Variants in CACNA1D observed in about 807,000 individuals in gnomAD.
CACNA1D encodes the protein voltage-dependent L-type calcium channel subunit alpha-1D.
In CACNA1D, 55 loss-of-function variants were observed where a neutral mutation model predicts 257.1. The observed-to-expected ratio is 0.21, with a 90% CI of 0.17 to 0.27. The LOEUF (loss-of-function observed/expected upper bound fraction) is 0.27. Ranked by LOEUF, CACNA1D falls within the 10% of genes least tolerant of loss-of-function variation. The pLI is 1.00. For missense variants in CACNA1D, 1,876 were observed against 2,784.0 expected, an observed-to-expected ratio of 0.67 and a Z score of 7.34; for synonymous variants, 980 against 1,014.9, an observed-to-expected ratio of 0.97 and a Z score of 0.65.
rs575956718 is a variant in CACNA1D at position 53,572,408 on chromosome 3, T to G, written c.483+70688T>G. Among the ~76,000 whole-genome samples, 12 of 148,264 alleles carry G rather than the reference T, an allele frequency of 8.1e-5. No individual in the cohort carries two copies. The South Asian group carries it at 1.3e-3, about 16-fold the overall frequency. ...TTTATTTATTTATTTATTTATTTATTTATGTTTTAGAGATTGGGTCTCATT... is the reference window on the plus strand; with the variant it reads ...TTTATTTATTTATTTATTTATTTATGTATGTTTTAGAGATTGGGTCTCATT... On this transcript the variant is annotated intron_variant, in intron 3 of 47. Coordinates refer to ENST00000350061, the MANE Select transcript of CACNA1D (RefSeq NM_001128840.3).
chr3:53,553,013 G>A (rs1018370288), intron 3 of CACNA1D, among the ~76,000 whole-genome samples: 2 of 152,168 alleles, frequency 1.3e-5, no homozygotes, highest in Non-Finnish European at 2.9e-5. Context: ...AAACTCCTGG[G>A]CGGGAGCATT....
intron 27 of CACNA1D, among the ~76,000 whole-genome samples, chr3:53,749,854 C>G (rs530475639): frequency 6.6e-6 from 1 of 152,296 alleles, no homozygotes; most frequent in Non-Finnish European, 1.5e-5. Flanking sequence ...AGTTTCTTAC[C>G]CTTGGTGCTA....
intron 7 of CACNA1D, among the ~76,000 whole-genome samples, chr3:53,667,939 G>C (rs2094285385): frequency 6.6e-6 from 1 of 152,014 alleles, no homozygotes; most frequent in Non-Finnish European, 1.5e-5. Context: ...CTGAGCCAGG[G>C]GCATGGCTTC....
chr3:53,770,116 TC>T, intron 31 of CACNA1D, 99 bp downstream of exon 31: 1 of 1,033,576 alleles, frequency 9.7e-7, no homozygotes, highest in Non-Finnish European at 1.5e-6. Flanking sequence ...TCCATGATTG[TC>T]CTTCCAGAAC....
At chr3:53,568,209 T>A (rs2092881431) in intron 3 of CACNA1D, among the ~76,000 whole-genome samples, 1 of 152,218 alleles carries the variant, frequency 6.6e-6, no homozygotes, top group Non-Finnish European at 1.5e-5. Context: ...CTTACGGACC[T>A]GCAGCTGAGC....
At position 53,786,886 on chromosome 3, in the gene CACNA1D, C is replaced by G; in HGVS notation, c.4857C>G (p.Phe1619Leu). 3 of 1,613,842 alleles carry G rather than the reference C, an allele frequency of 1.9e-6. No homozygotes were observed. The highest frequency in any genetic ancestry group is 2.5e-6 in the Non-Finnish European group (3 of 1,179,772). The change falls in exon 40 of 48, where the codon TTC (phenylalanine) becomes TTG (leucine). Residue 1619 changes from phenylalanine to leucine, a missense_variant. Transcript: ENST00000350061. ...TGATACAGGACTACTTTAGGAAATT[C>G]AAGAAACGGAAAGAACAAGGACTGG... ...TFLIQDYFRKFKKRKEQGLVG... is the reference protein window; with the variant it reads ...TFLIQDYFRKLKKRKEQGLVG...
At chr3:53,744,105 G>A (rs62250871) in intron 22 of CACNA1D, among the ~76,000 whole-genome samples, 9,384 of 152,110 alleles carry the variant, frequency 0.062, 327 homozygotes, top group Middle Eastern at 0.11. Flanking sequence ...CTCTTGTGTC[G>A]CATCTTTGTA....
chr3:53,501,134 C>A (rs758737571), intron 2 of CACNA1D, among the ~76,000 whole-genome samples: 2 of 152,120 alleles, frequency 1.3e-5, no homozygotes, highest in Non-Finnish European at 2.9e-5. Flanking sequence ...TCCAGACAGG[C>A]GATTTAGGCT....
chr3:53,649,292 G>T (rs1051430851), intron 3 of CACNA1D, among the ~76,000 whole-genome samples: 1 of 152,186 alleles, frequency 6.6e-6, no homozygotes, highest in East Asian at 1.9e-4. Flanking sequence ...TGAATATAAA[G>T]TGTTCTCTTC....
chr3:53,767,193 G>A (rs1210559153), intron 30 of CACNA1D, among the ~76,000 whole-genome samples: 3 of 152,020 alleles, frequency 2.0e-5, no homozygotes, highest in Admixed American at 6.6e-5. Context: ...TTAACTACTC[G>A]GGCCAGCTTT....
chr3:53,679,650 A>G lies in CACNA1D; in HGVS notation c.1220+6524A>G, dbSNP rs1344464923. ...TCTTATGATTAAAAAATAACTTCCT[A>G]TGTGTTGTAGTGATGATTAAGCTGA... On this transcript the variant is annotated intron_variant, in intron 8 of 47. Transcript: ENST00000350061. 3 of 152,148 alleles carry G rather than the reference A, an allele frequency of 2.0e-5. No homozygotes were observed. The East Asian group carries it at 5.8e-4, about 29-fold the overall frequency. The allele number at this position is 152,148 out of a possible 1,614,324, so 9.4% of individuals were successfully genotyped here. A position where few individuals can be genotyped will look rare whatever the true frequency, so the allele number is the denominator to read the frequency against.
At chr3:53,634,823 G>A (rs1212811705) in intron 3 of CACNA1D, among the ~76,000 whole-genome samples, 1 of 152,150 alleles carries the variant, frequency 6.6e-6, no homozygotes, top group African/African-American at 2.4e-5. Flanking sequence ...GACTTTCAGT[G>A]CCTTGCCTAG....
At position 53,780,079 on chromosome 3, in the gene CACNA1D, T is replaced by C. The variant is rs754400521; in HGVS notation, c.4641T>C (p.Asn1547=). 1.9e-6 allele frequency: 3 copies of C among 1,614,162 alleles called. No homozygotes were observed. The highest frequency in any genetic ancestry group is 1.3e-5 in the African/African-American group (1 of 75,058). The change falls in exon 38 of 48, where the codon AAT becomes AAC. Residue 1547 remains asparagine (N), a synonymous_variant. Transcript: ENST00000350061. ...PLNSDGTVMF[N]ATLFALVRTA... is the part of the protein sequence containing the mutation. ...ACAGTGACGGGACAGTCATGTTTAA[T>C]GCAACCCTGTTTGCTTTGGTTCGAA... is the stretch of plus-strand genomic sequence containing the variant.
intron 3 of CACNA1D, among the ~76,000 whole-genome samples, chr3:53,636,886 AAC>A (rs1443135587): frequency 2.6e-5 from 4 of 152,236 alleles, no homozygotes; most frequent in Non-Finnish European, 5.9e-5. Flanking sequence ...TGTGCCAAGA[AAC>A]AGTTTCATTC....
chr3:53,717,544 A>T (rs2094832741), intron 9 of CACNA1D, among the ~76,000 whole-genome samples: 1 of 152,152 alleles, frequency 6.6e-6, no homozygotes, highest in Admixed American at 6.5e-5. Context: ...TCCGCTCAGG[A>T]TCCTACCATG....
At chr3:53,783,754 C>T (rs539340944) in intron 39 of CACNA1D, among the ~76,000 whole-genome samples, 55 of 152,346 alleles carry the variant, frequency 3.6e-4, no homozygotes, top group African/African-American at 1.1e-3. Context: ...TGTCTTTCCT[C>T]TTTTATCCTT....
chr3:53,568,796 C>G (rs888922043), intron 3 of CACNA1D, among the ~76,000 whole-genome samples: 6 of 152,202 alleles, frequency 3.9e-5, no homozygotes, highest in African/African-American at 1.4e-4. Flanking sequence ...TCCTGTATGG[C>G]TAAATACTTT....
intron 29 of CACNA1D, among the ~76,000 whole-genome samples, chr3:53,759,169 G>A (rs2095285015): frequency 6.6e-6 from 1 of 152,192 alleles, no homozygotes; most frequent in Admixed American, 6.5e-5. Context: ...TCTGGAGAGA[G>A]AGTCAATGAA....
At chr3:53,664,751 A>G (rs1240973291) in intron 5 of CACNA1D, among the ~76,000 whole-genome samples, 3 of 152,216 alleles carry the variant, frequency 2.0e-5, no homozygotes, top group Admixed American at 2.0e-4. Context: ...ACCTGCATGG[A>G]CCTTGGGGGA....
Sources: allele counts gnomAD v4.1 joint callset (sites outside exome capture counted in the v4.1 genomes callset), GRCh38; gene constraint gnomAD v4.1.1; transcripts MANE v1.5; gene names NCBI Gene and HGNC (gene_info 2026-07-23, HGNC 2026-07-21).